Variants in PLCG2 observed in about 807,000 individuals in gnomAD.
PLCG2 encodes 1-phosphatidylinositol 4,5-bisphosphate phosphodiesterase gamma-2.
Under a neutral mutation model 175.6 loss-of-function variants are expected in PLCG2, and 69 were observed. The observed-to-expected ratio is 0.39, with a 90% CI of 0.32 to 0.48. The LOEUF (loss-of-function observed/expected upper bound fraction) is 0.48. Among genes scored for constraint, PLCG2 ranks in the 20% least tolerant of loss-of-function variants. PLCG2 has a pLI of 0.91. For synonymous variants in PLCG2, 827 were observed against 624.0 expected (o/e 1.33, Z -4.85); for missense variants, 1,798 against 1,650.9 (o/e 1.09, Z -1.54).
At chr16:81,853,251 A>T (rs557461917) in intron 2 of PLCG2, among the ~76,000 whole-genome samples, 12 of 152,162 alleles carry the variant, frequency 7.9e-5, no homozygotes, top group East Asian at 5.8e-4. Context: ...TAATTGTTTG[A>T]ACCTGGGAGG....
intron 14 of PLCG2, among the ~76,000 whole-genome samples, chr16:81,902,562 A>G (rs907036251): frequency 2.0e-5 from 3 of 152,144 alleles, no homozygotes; most frequent in Non-Finnish European, 4.4e-5. Flanking sequence ...CACCATTCCC[A>G]TTGTTGAGAG....
chr16:81,908,503 G>A lies in PLCG2; in HGVS notation c.1645G>A (p.Glu549Lys). 6.2e-7 allele frequency: 1 copy of A among 1,614,054 alleles called. No individual in the cohort carries two copies. The highest frequency in any genetic ancestry group is 8.5e-7 in the Non-Finnish European group (1 of 1,179,972). The part of the protein sequence containing the change: ...KRTSAEKLLQ[E>K]YCMETGGKDG... The stretch of plus-strand genomic sequence containing the variant: ...GACGAGTGCCGAGAAGTTGCTGCAG[G>A]AATACTGCATGGAGACGGGGGGCAA... Residue 549 changes from glutamate (E) to lysine (K), a missense_variant, in exon 17 of 33, where the codon GAA (glutamate) becomes AAA (lysine). Transcript: ENST00000564138.
At chr16:81,802,659 C>T (rs1161847974) in intron 2 of PLCG2, among the ~76,000 whole-genome samples, 5 of 151,804 alleles carry the variant, frequency 3.3e-5, no homozygotes, top group Non-Finnish European at 1.5e-5. Flanking sequence ...ACAACCTCTG[C>T]CTCCCAGGTT....
At chr16:81,826,908 T>A (rs1905070406) in intron 2 of PLCG2, among the ~76,000 whole-genome samples, 1 of 152,232 alleles carries the variant, frequency 6.6e-6, no homozygotes, top group Non-Finnish European at 1.5e-5. Context: ...TCTTGGTTTA[T>A]CCCTGCTGGA....
At chr16:81,847,436 G>C (rs748224190) in intron 2 of PLCG2, among the ~76,000 whole-genome samples, 18 of 152,004 alleles carry the variant, frequency 1.2e-4, no homozygotes, top group Admixed American at 3.3e-4. Flanking sequence ...GACGTTGGGG[G>C]TAGGGCTGAA....
intron 13 of PLCG2, among the ~76,000 whole-genome samples, chr16:81,899,424 C>G (rs1160426737): frequency 6.6e-6 from 1 of 151,990 alleles, no homozygotes; most frequent in Non-Finnish European, 1.5e-5. Flanking sequence ...TTGGTGGATT[C>G]TACTTGCTAA....
chr16:81,881,827 T>G (rs1384173534), intron 8 of PLCG2, among the ~76,000 whole-genome samples: 1 of 151,598 alleles, frequency 6.6e-6, no homozygotes, highest in Admixed American at 6.6e-5. Flanking sequence ...TTTTTTTGTA[T>G]TTTTGGTAGA....
intron 1 of PLCG2, among the ~76,000 whole-genome samples, chr16:81,747,305 C>T (rs765379336): frequency 2.4e-4 from 36 of 152,210 alleles, no homozygotes; most frequent in Non-Finnish European, 4.3e-4. Flanking sequence ...GAGGCTGAGG[C>T]GGGCAGATCA....
intron 24 of PLCG2, 85 bp downstream of exon 24, chr16:81,928,709 C>G (rs898792101): frequency 1.1e-6 from 1 of 892,470 alleles, no homozygotes; most frequent in Non-Finnish European, 1.9e-6. Flanking sequence ...AGGGAGGTGG[C>G]TGACACAGGG....
chr16:81,954,504 C>T (rs971057338), intron 31 of PLCG2, among the ~76,000 whole-genome samples: 4 of 152,142 alleles, frequency 2.6e-5, no homozygotes, highest in Non-Finnish European at 5.9e-5. Flanking sequence ...ATTCCCCATC[C>T]GCCAACTAGC....
At chr16:81,768,102 CT>C (rs1387276741) in intron 2 of PLCG2, among the ~76,000 whole-genome samples, 9 of 152,312 alleles carry the variant, frequency 5.9e-5, no homozygotes, top group African/African-American at 1.9e-4. Context: ...GTTGACCAGG[CT>C]GGTCTTGAAC....
intron 2 of PLCG2, among the ~76,000 whole-genome samples, chr16:81,841,022 C>G (rs544620463): frequency 6.6e-6 from 1 of 152,124 alleles, no homozygotes; most frequent in African/African-American, 2.4e-5. Flanking sequence ...GAATATGAAG[C>G]ATTAGAATCA....
intron 1 of PLCG2, 97 bp downstream of exon 1, chr16:81,779,521 G>T (rs1910633236): frequency 6.6e-6 from 1 of 151,926 alleles, no homozygotes; most frequent in Non-Finnish European, 1.5e-5. Flanking sequence ...GGGGGTCTGC[G>T]TCCTGGCTCA....
At chr16:81,924,919 G>T (rs571244656) in intron 22 of PLCG2, among the ~76,000 whole-genome samples, 1 of 152,214 alleles carries the variant, frequency 6.6e-6, no homozygotes, top group East Asian at 1.9e-4. Flanking sequence ...CCCTCCACTC[G>T]AAGTGGCACA....
At chr16:81,933,063 C>G (rs1413930993) in intron 25 of PLCG2, among the ~76,000 whole-genome samples, 1 of 152,224 alleles carries the variant, frequency 6.6e-6, no homozygotes, top group Non-Finnish European at 1.5e-5. Context: ...AAGGCTCTGT[C>G]TCTCCCCTGC....
In PLCG2 at chr16:81,786,193, G is replaced by T; in HGVS notation, c.193+11G>T. On this transcript the variant is annotated intron_variant, in intron 2 of 32. Transcript: ENST00000564138. ...AGATCGAGGGCTTCTGTGAGTACTC[G>T]CTGGGTGGGGCAGTGTGGCCCGTCC... 3.1e-6 allele frequency: 5 copies of T among 1,610,942 alleles called. No homozygotes were observed. The highest frequency in any genetic ancestry group is 2.2e-5 in the South Asian group (2 of 90,862).
chr16:81,746,992 C>G (rs1014102915), intron 1 of PLCG2, among the ~76,000 whole-genome samples: 7 of 152,116 alleles, frequency 4.6e-5, no homozygotes, highest in African/African-American at 9.7e-5. Context: ...AGGGATTCAG[C>G]AAAGGTACAC....
At chr16:81,931,682 T>G in intron 25 of PLCG2, 28 bp downstream of exon 25, 4 of 1,605,912 alleles carry the variant, frequency 2.5e-6, no homozygotes, top group Non-Finnish European at 3.4e-6. Flanking sequence ...CGGGTGCAGG[T>G]GGGCCTGGCA....
intron 2 of PLCG2, among the ~76,000 whole-genome samples, chr16:81,808,426 C>T (rs961202563): frequency 6.6e-6 from 1 of 152,182 alleles, no homozygotes; most frequent in Non-Finnish European, 1.5e-5. Flanking sequence ...TGTGTGGCCC[C>T]AAGCCCACAG....
Sources: allele counts gnomAD v4.1 joint callset (sites outside exome capture counted in the v4.1 genomes callset), GRCh38; gene constraint gnomAD v4.1.1; transcripts MANE v1.5; gene names NCBI Gene and HGNC (gene_info 2026-07-23, HGNC 2026-07-21).